The following SPANXN2 variants were observed in gnomAD, a reference collection of about 807,000 sequenced individuals.
The protein encoded by SPANXN2 is SPANX family member N2.
A neutral mutation model predicts 2.0 loss-of-function variants in SPANXN2; 1 was observed. The observed-to-expected ratio is 0.50, with a 90% confidence interval of 0.18 to 2.36. The LOEUF is 2.36. Among genes scored for constraint, SPANXN2 ranks in the 30% most tolerant of loss-of-function variants. SPANXN2 has a pLI of 0.26. For synonymous variants in SPANXN2, 43 were observed against 49.8 expected, an observed-to-expected ratio of 0.86 and a Z score of 0.58; for missense variants, 88 against 116.7, an observed-to-expected ratio of 0.75 and a Z score of 1.13.
At chrX:143,714,634 C>G (rs1932227404) in intron 1 of SPANXN2, among the ~76,000 whole-genome samples, 2 of 111,993 alleles carry the variant, frequency 1.8e-5, no homozygotes, top group African/African-American at 6.5e-5. Flanking sequence ...GTTTCCTCTC[C>G]TGCCTTTCAA....
chrX:143,714,791 T>C (rs1556449218), intron 1 of SPANXN2, among the ~76,000 whole-genome samples: 4 of 111,545 alleles, frequency 3.6e-5, no homozygotes. Flanking sequence ...CCAAAGAGAC[T>C]TAATCAAAGT....
At chrX:143,715,165 G>T (rs1932237337) in intron 1 of SPANXN2, among the ~76,000 whole-genome samples, 1 of 111,349 alleles carries the variant, frequency 9.0e-6, no homozygotes, top group Non-Finnish European at 1.9e-5. Flanking sequence ...TCGGAACCCA[G>T]GGTAATTCTG....
intron 1 of SPANXN2, among the ~76,000 whole-genome samples, chrX:143,718,707 CCTA>C (rs1263607759): frequency 9.0e-6 from 1 of 111,658 alleles, no homozygotes; most frequent in Non-Finnish European, 1.9e-5. Context: ...TCTTTTGTCT[CCTA>C]CTTTATTTCA....
intron 1 of SPANXN2, among the ~76,000 whole-genome samples, chrX:143,718,909 C>G (rs1181821885): frequency 9.0e-6 from 1 of 110,989 alleles, no homozygotes; most frequent in Non-Finnish European, 1.9e-5. Context: ...CAGATGAGCC[C>G]CCTTCATCAG....
exon 2 of SPANXN2, chrX:143,712,004 G>A (rs1932166182): frequency 1.7e-6 from 2 of 1,211,658 alleles, no homozygotes; most frequent in South Asian, 3.5e-5. Flanking sequence ...TGGTAGTGAG[G>A]ATTTGTCCAA....
intron 1 of SPANXN2, among the ~76,000 whole-genome samples, chrX:143,717,118 C>T (rs1210407907): frequency 8.9e-6 from 1 of 112,146 alleles, no homozygotes; most frequent in Non-Finnish European, 1.9e-5. Context: ...CTCCTAGAAT[C>T]GAATGCTCTC....
At chrX:143,712,631 G>T (rs77828257) in intron 1 of SPANXN2, 132 bp from the exon 2 acceptor site, 227 of 601,841 alleles carry the variant, frequency 3.8e-4, no homozygotes, top group East Asian at 2.6e-3. Context: ...AGAACAAGGT[G>T]GAATCATAGG....
intron 1 of SPANXN2, among the ~76,000 whole-genome samples, chrX:143,716,369 C>T (rs1295661509): frequency 9.0e-5 from 10 of 110,651 alleles, no homozygotes; most frequent in Non-Finnish European, 1.9e-4. Context: ...AAAGGACCTC[C>T]CCTCCTTCTT....
At chrX:143,716,461 C>G (rs1932267217) in intron 1 of SPANXN2, among the ~76,000 whole-genome samples, 1 of 111,318 alleles carries the variant, frequency 9.0e-6, no homozygotes, top group Non-Finnish European at 1.9e-5. Flanking sequence ...CACATGGGCC[C>G]ATCCTAAAAC....
In SPANXN2 at chrX:143,712,172, G is replaced by A. The variant is rs1421797525; in HGVS notation, c.406C>T (p.Gln136Ter). 3 of 505,889 alleles carry A rather than the reference G, an allele frequency of 5.9e-6. No individual in the cohort carries two copies. The African/African-American group carries it at 7.4e-5, about 12-fold the overall frequency. 41.7% of individuals were successfully genotyped at this position (505,889 alleles called of 1,213,427 possible). A position where few individuals can be genotyped will look rare whatever the true frequency, so the allele number is the denominator to read the frequency against. ...GATGAGTCCAGGTCTTCGTCCTCCT[G>A]TGAAGATCCTTCAGATGAGTCCAGG... The change falls in exon 2 of 2, where the codon CAG becomes TAG. Residue 136 changes from glutamine to a stop codon, truncating the protein, a stop_gained. Transcript: ENST00000598475. LOFTEE classifies it low-confidence loss of function (END_TRUNC).
At chrX:143,714,300 G>A (rs1227415172) in intron 1 of SPANXN2, among the ~76,000 whole-genome samples, 1 of 111,705 alleles carries the variant, frequency 9.0e-6, no homozygotes, top group African/African-American at 3.3e-5. Flanking sequence ...ATTGAAAGGA[G>A]ACTTGACTCC....
chrX:143,716,908 A>G (rs1352094595), intron 1 of SPANXN2, among the ~76,000 whole-genome samples: 1 of 111,601 alleles, frequency 9.0e-6, no homozygotes, highest in Admixed American at 9.5e-5. Flanking sequence ...AAAATTCTCT[A>G]CCCAGCCACC....
chrX:143,718,623 TACTTA>T (rs781866150), intron 1 of SPANXN2, among the ~76,000 whole-genome samples: 2 of 112,052 alleles, frequency 1.8e-5, no homozygotes, highest in Admixed American at 9.4e-5. Context: ...AACCTCACTG[TACTTA>T]ACAAGAATTC....
intron 1 of SPANXN2, among the ~76,000 whole-genome samples, chrX:143,714,363 CT>C (rs1556449114): frequency 1.8e-5 from 2 of 111,642 alleles, no homozygotes; most frequent in Non-Finnish European, 3.8e-5. Context: ...TTCCCTAAAT[CT>C]TATGACCTTA....
At chrX:143,715,072 C>G (rs782566550) in intron 1 of SPANXN2, among the ~76,000 whole-genome samples, 30 of 111,365 alleles carry the variant, frequency 2.7e-4, no homozygotes, top group African/African-American at 3.9e-4. Context: ...ACTGTGCTCA[C>G]TGAAACTCTT....
chrX:143,715,825 C>A (rs782647519), intron 1 of SPANXN2, among the ~76,000 whole-genome samples: 13 of 111,229 alleles, frequency 1.2e-4, no homozygotes, highest in Admixed American at 3.8e-4. Context: ...TGGTACCAAT[C>A]CATCTAGTGG....
At chrX:143,717,111 C>T (rs1250404494) in intron 1 of SPANXN2, among the ~76,000 whole-genome samples, 4 of 112,145 alleles carry the variant, frequency 3.6e-5, no homozygotes, top group Non-Finnish European at 7.5e-5. Context: ...AGATAAACTC[C>T]TAGAATCGAA....
intron 1 of SPANXN2, among the ~76,000 whole-genome samples, chrX:143,719,060 C>A (rs1297937049): frequency 9.0e-6 from 1 of 111,313 alleles, no homozygotes; most frequent in Non-Finnish European, 1.9e-5. Flanking sequence ...TGCATTTCAC[C>A]TAATTGACCA....
At chrX:143,719,478 G>C (rs1486376972) in intron 1 of SPANXN2, among the ~76,000 whole-genome samples, 2 of 112,005 alleles carry the variant, frequency 1.8e-5, no homozygotes, top group African/African-American at 6.5e-5. Flanking sequence ...TTGCTGGCAG[G>C]TATTCAACTT....
Sources: gnomAD v4.1 joint callset for allele counts (sites outside exome capture counted in the v4.1 genomes callset) on GRCh38, gnomAD v4.1.1 for gene constraint, MANE v1.5 for transcripts, NCBI Gene and HGNC (gene_info 2026-07-23, HGNC 2026-07-21) for gene names.